Variants in AKT3 observed in about 807,000 individuals in gnomAD.
AKT3 encodes AKT serine/threonine kinase 3.
In AKT3, 15 loss-of-function variants were observed where a neutral mutation model predicts 65.3. The observed-to-expected ratio is 0.23, with a 90% CI of 0.15 to 0.35. The LOEUF is 0.35. AKT3 is among the 10% of genes least tolerant of loss of function. The pLI is 1.00. For synonymous variants in AKT3, 206 were observed against 183.8 expected, an observed-to-expected ratio of 1.12 and a Z score of -0.98; for missense variants, 243 against 576.5, an observed-to-expected ratio of 0.42 and a Z score of 5.92.
intron 2 of AKT3, among the ~76,000 whole-genome samples, chr1:243,838,866 G>C (rs114227017): frequency 6.6e-6 from 1 of 152,098 alleles, no homozygotes; most frequent in Admixed American, 6.5e-5. Context: ...GTTACACATA[G>C]AGAATACAAC....
intron 2 of AKT3, among the ~76,000 whole-genome samples, chr1:243,838,968 A>G (rs1344474545): frequency 6.6e-6 from 1 of 152,180 alleles, no homozygotes; most frequent in East Asian, 1.9e-4. Context: ...TTAATGATAA[A>G]AATCACCTCT....
chr1:243,723,268 G>A (rs1256880787), intron 2 of AKT3, among the ~76,000 whole-genome samples: 1 of 152,262 alleles, frequency 6.6e-6, no homozygotes, highest in East Asian at 1.9e-4. Flanking sequence ...GAGTTTTCCT[G>A]AATTCATCAC....
At chr1:243,753,892 G>T (rs1688963501) in intron 2 of AKT3, among the ~76,000 whole-genome samples, 1 of 152,208 alleles carries the variant, frequency 6.6e-6, no homozygotes, top group Non-Finnish European at 1.5e-5. Context: ...CAAAGATGGA[G>T]AAGTAACAAT....
chr1:243,839,743 C>A (rs1695121521), intron 2 of AKT3, among the ~76,000 whole-genome samples: 1 of 150,900 alleles, frequency 6.6e-6, no homozygotes, highest in Admixed American at 6.6e-5. Flanking sequence ...CTGGAGATAA[C>A]AACAATTGAT....
chr1:243,519,774 CT>C (rs1322811622), intron 12 of AKT3, among the ~76,000 whole-genome samples: 9 of 152,028 alleles, frequency 5.9e-5, no homozygotes, highest in Non-Finnish European at 1.2e-4. Flanking sequence ...TATTTTTCCC[CT>C]AAACTTAAAA....
chr1:243,725,238 G>A (rs553832507), intron 2 of AKT3, among the ~76,000 whole-genome samples: 1 of 151,946 alleles, frequency 6.6e-6, no homozygotes, highest in Admixed American at 6.6e-5. Context: ...ACTGCAATAA[G>A]GGCAGTAAGA....
At chr1:243,779,267 A>G (rs1015179165) in intron 2 of AKT3, among the ~76,000 whole-genome samples, 2 of 152,162 alleles carry the variant, frequency 1.3e-5, no homozygotes, top group Admixed American at 6.5e-5. Context: ...TCCAGAAACG[A>G]GAAGATACAT....
intron 2 of AKT3, among the ~76,000 whole-genome samples, chr1:243,792,751 C>G (rs1691707318): frequency 1.3e-5 from 2 of 152,144 alleles, no homozygotes; most frequent in Non-Finnish European, 2.9e-5. Context: ...AAAGCAATGG[C>G]CATTCCTAGC....
intron 2 of AKT3, among the ~76,000 whole-genome samples, chr1:243,812,113 C>T (rs1558835365): frequency 1.3e-5 from 2 of 152,168 alleles, no homozygotes; most frequent in Non-Finnish European, 2.9e-5. Flanking sequence ...TAGGCACGGG[C>T]AAGGACTTCA....
At chr1:243,806,625 C>T (rs1231793142) in intron 2 of AKT3, among the ~76,000 whole-genome samples, 1 of 152,110 alleles carries the variant, frequency 6.6e-6, no homozygotes, top group Non-Finnish European at 1.5e-5. Context: ...ATTGTATTAT[C>T]TAGTGTGATT....
intron 2 of AKT3, among the ~76,000 whole-genome samples, chr1:243,758,747 G>C (rs1455301845): frequency 6.6e-6 from 1 of 152,158 alleles, no homozygotes; most frequent in Non-Finnish European, 1.5e-5. Flanking sequence ...AATAGGGTTC[G>C]CACTCCTATG....
At chr1:243,679,031 A>C (rs1296300508) in intron 3 of AKT3, among the ~76,000 whole-genome samples, 1 of 152,016 alleles carries the variant, frequency 6.6e-6, no homozygotes, top group East Asian at 1.9e-4. Context: ...TCCTCAGCCT[A>C]CTCAACAAGA....
chr1:243,590,210 A>G (rs956936784), intron 8 of AKT3, among the ~76,000 whole-genome samples: 1 of 152,196 alleles, frequency 6.6e-6, no homozygotes, highest in Admixed American at 6.5e-5. Context: ...CTGTATATTT[A>G]AAATTTGCTA....
chr1:243,757,171 G>T (rs1689188481), intron 2 of AKT3, among the ~76,000 whole-genome samples: 1 of 152,196 alleles, frequency 6.6e-6, no homozygotes, highest in Non-Finnish European at 1.5e-5. Flanking sequence ...TCTGAATGGG[G>T]TCTGATGATC....
At chr1:243,828,360 C>T (rs1694302301) in intron 2 of AKT3, among the ~76,000 whole-genome samples, 1 of 152,102 alleles carries the variant, frequency 6.6e-6, no homozygotes, top group Admixed American at 6.6e-5. Flanking sequence ...TGCCCACAGA[C>T]ACTAATAAAT....
At chr1:243,523,307 A>ACC (rs1553395182) in intron 12 of AKT3, among the ~76,000 whole-genome samples, 1 of 135,366 alleles carries the variant, frequency 7.4e-6, no homozygotes, top group Non-Finnish European at 1.6e-5. Flanking sequence ...ACACACACAC[A>ACC]CCTTTCAGAA....
intron 2 of AKT3, among the ~76,000 whole-genome samples, chr1:243,790,263 G>A (rs1166003505): frequency 6.6e-6 from 1 of 152,186 alleles, no homozygotes; most frequent in Non-Finnish European, 1.5e-5. Flanking sequence ...CTATTGTTTA[G>A]TGTAACCACC....
At chr1:243,521,741 A>G (rs2148387668) in intron 12 of AKT3, among the ~76,000 whole-genome samples, 1 of 152,342 alleles carries the variant, frequency 6.6e-6, no homozygotes, top group African/African-American at 2.4e-5. Context: ...TACTTTAACT[A>G]TAAAAGACAT....
intron 13 of AKT3, among the ~76,000 whole-genome samples, chr1:243,507,442 C>T (rs937830081): frequency 6.6e-6 from 1 of 152,206 alleles, no homozygotes; most frequent in Non-Finnish European, 1.5e-5. Context: ...TCCATCATTC[C>T]TGCCCCTTTC....
Sources: gnomAD v4.1 joint callset for allele counts (sites outside exome capture counted in the v4.1 genomes callset) on GRCh38, gnomAD v4.1.1 for gene constraint, MANE v1.5 for transcripts, NCBI Gene and HGNC (gene_info 2026-07-23, HGNC 2026-07-21) for gene names.